Variants in TLE4 observed in about 807,000 individuals in gnomAD.
The protein encoded by TLE4 is TLE family member 4, transcriptional corepressor.
A neutral mutation model predicts 92.8 loss-of-function variants in TLE4; 8 were observed. The ratio of observed to expected loss-of-function variants is 0.09; its 90% CI spans 0.05 to 0.16. TLE4 has a LOEUF of 0.16. TLE4 is among the 10% of genes least tolerant of loss of function. TLE4 has a pLI of 1.00. For missense variants in TLE4, 675 were observed against 997.6 expected, an observed-to-expected ratio of 0.68 and a Z score of 4.36; for synonymous variants, 371 against 374.1, an observed-to-expected ratio of 0.99 and a Z score of 0.10.
At chr9:79,697,348 G>A (rs537585440) in intron 8 of TLE4, among the ~76,000 whole-genome samples, 1 of 152,064 alleles carries the variant, frequency 6.6e-6, no homozygotes, top group African/African-American at 2.4e-5. Flanking sequence ...TAATGATCAG[G>A]AGAGGGATTA....
intron 4 of TLE4, among the ~76,000 whole-genome samples, chr9:79,588,295 A>T (rs1240845815): frequency 1.3e-5 from 2 of 151,848 alleles, no homozygotes; most frequent in African/African-American, 2.4e-5. Context: ...TTACAGGCCC[A>T]CACCACCACT....
intron 8 of TLE4, among the ~76,000 whole-genome samples, chr9:79,656,933 T>C (rs114532342): frequency 0.011 from 1,694 of 152,302 alleles, 39 homozygotes; most frequent in African/African-American, 0.038. Flanking sequence ...GCCACCAAAT[T>C]GCACGCTGTT....
intron 4 of TLE4, among the ~76,000 whole-genome samples, chr9:79,605,242 A>C (rs530608280): frequency 6.6e-6 from 1 of 152,184 alleles, no homozygotes; most frequent in East Asian, 1.9e-4. Context: ...TCCTTCTGAC[A>C]TCCCACTTTT....
intron 4 of TLE4, among the ~76,000 whole-genome samples, chr9:79,586,843 G>A (rs116575488): frequency 2.2e-4 from 33 of 152,170 alleles, no homozygotes; most frequent in Admixed American, 8.5e-4. Context: ...CATAGTAGGT[G>A]TATGTATTTA....
chr9:79,709,386 C>T (rs898775796), intron 13 of TLE4, among the ~76,000 whole-genome samples: 50 of 152,270 alleles, frequency 3.3e-4, no homozygotes, highest in African/African-American at 1.2e-3. Context: ...TTTGGTTCTA[C>T]CATGAGCTTC....
intron 4 of TLE4, among the ~76,000 whole-genome samples, chr9:79,593,820 T>A (rs554863946): frequency 6.5e-4 from 99 of 152,278 alleles, no homozygotes; most frequent in African/African-American, 2.2e-3. Flanking sequence ...CCACAAAAAA[T>A]TAATGATACA....
intron 8 of TLE4, among the ~76,000 whole-genome samples, chr9:79,685,324 A>AT (rs1057250147): frequency 1.3e-3 from 191 of 151,834 alleles, no homozygotes; most frequent in East Asian, 7.5e-3. Flanking sequence ...ATTAGAACAG[A>AT]TTTTTTTTTC....
chr9:79,574,840 C>T (rs1308067294), intron 2 of TLE4, 33 bp from the exon 3 acceptor site: 6 of 1,579,952 alleles, frequency 3.8e-6, no homozygotes, highest in Non-Finnish European at 5.2e-6. Flanking sequence ...AAGTTAAGAT[C>T]ATTGTACTTA....
intron 6 of TLE4, among the ~76,000 whole-genome samples, chr9:79,630,739 T>C (rs1027836746): frequency 9.2e-5 from 14 of 152,242 alleles, no homozygotes; most frequent in Non-Finnish European, 2.1e-4. Flanking sequence ...CACCTGACTA[T>C]CTTAAAATGC....
At chr9:79,687,189 C>A (rs1209193495) in intron 8 of TLE4, among the ~76,000 whole-genome samples, 1 of 152,200 alleles carries the variant, frequency 6.6e-6, no homozygotes, top group Non-Finnish European at 1.5e-5. Flanking sequence ...GCCCTTGGAT[C>A]CAGCCGTGGG....
intron 11 of TLE4, chr9:79,707,100 T>G (rs1337430308): frequency 1.2e-6 from 2 of 1,611,034 alleles, no homozygotes; most frequent in Non-Finnish European, 1.7e-6. Context: ...GTGTTTATTT[T>G]ATGATTCTTT....
rs1278536850 is a variant in TLE4, at chr9:79,652,704, G to A, written c.502G>A (p.Gly168Arg). ...PAIPPIGSSAGLLALSSALGG... is the reference protein window; with the variant it reads ...PAIPPIGSSARLLALSSALGG... ...CATTCCACCCATCGGTAGCAGTGCC[G>A]GGCTTCTGGCCCTCTCCAGTGCTCT... is the stretch of plus-strand genomic sequence containing the variant. The change falls in exon 7 of 20, where the codon GGG (glycine) becomes AGG (arginine). Residue 168 changes from glycine to arginine, a missense_variant. This residue lies in a region of TLE4 where 280 missense variants were observed against 287.3 expected (regional missense o/e 0.97). Coordinates refer to ENST00000376552, the MANE Select transcript of TLE4 (RefSeq NM_007005.6). The A allele has an allele frequency of 4.3e-6, 7 of 1,613,994 alleles. No homozygotes were observed. Among genetic ancestry groups the A allele is most frequent in the Admixed American group, 1.7e-5 (1 of 60,000 alleles).
intron 8 of TLE4, among the ~76,000 whole-genome samples, chr9:79,699,080 A>G (rs2069045427): frequency 6.6e-6 from 1 of 152,140 alleles, no homozygotes; most frequent in African/African-American, 2.4e-5. Flanking sequence ...TTACTTTCCA[A>G]ACTTACTCAA....
chr9:79,590,139 T>C (rs17082571), intron 4 of TLE4, among the ~76,000 whole-genome samples: 1,721 of 152,266 alleles, frequency 0.011, 38 homozygotes, highest in African/African-American at 0.039. Context: ...GGAAATGTGG[T>C]TTTACCTCTG....
chr9:79,659,045 C>T (rs2060164115), intron 8 of TLE4, among the ~76,000 whole-genome samples: 1 of 152,158 alleles, frequency 6.6e-6, no homozygotes, highest in South Asian at 2.1e-4. Flanking sequence ...TGAGCAGCCC[C>T]CACTGCATGT....
intron 8 of TLE4, among the ~76,000 whole-genome samples, chr9:79,690,249 C>G (rs2066768558): frequency 1.3e-5 from 2 of 152,176 alleles, no homozygotes; most frequent in South Asian, 4.1e-4. Context: ...AGTTCCAGGT[C>G]TACCCCTCCC....
chr9:79,629,862 C>T (rs1240262473), intron 6 of TLE4, among the ~76,000 whole-genome samples: 2 of 152,176 alleles, frequency 1.3e-5, no homozygotes, highest in East Asian at 3.9e-4. Context: ...GTAGTTTTTG[C>T]AGTTGTAACA....
At chr9:79,655,593 TA>T (rs1234575053) in intron 8 of TLE4, among the ~76,000 whole-genome samples, 1 of 152,244 alleles carries the variant, frequency 6.6e-6, no homozygotes, top group Non-Finnish European at 1.5e-5. Context: ...TTGAATTATT[TA>T]ATTATGCATT....
At chr9:79,699,473 C>T (rs983640416) in intron 8 of TLE4, among the ~76,000 whole-genome samples, 2 of 152,186 alleles carry the variant, frequency 1.3e-5, no homozygotes, top group Non-Finnish European at 2.9e-5. Flanking sequence ...GTCTGGACAA[C>T]AGGTGTAGAA....
Sources: gnomAD v4.1 joint callset for allele counts (sites outside exome capture counted in the v4.1 genomes callset) on GRCh38, gnomAD v4.1.1 for gene constraint, gnomAD v4.1.1 regional missense constraint, MANE v1.5 for transcripts, NCBI Gene and HGNC (gene_info 2026-07-23, HGNC 2026-07-21) for gene names.